The following RAB39A variants were observed in gnomAD, a reference collection of about 807,000 sequenced individuals.
The protein encoded by RAB39A is ras-related protein Rab-39A.
In RAB39A, 17 loss-of-function variants were observed where a neutral mutation model predicts 20.9. The observed-to-expected ratio is 0.81, with a 90% CI of 0.56 to 1.22. RAB39A has a LOEUF of 1.22. Ranked by LOEUF, RAB39A falls within the 50% of genes most tolerant of loss-of-function variation. RAB39A has a pLI of 0.00. For missense variants in RAB39A, 234 were observed against 270.5 expected (o/e 0.87, Z 0.95); for synonymous variants, 99 against 103.4 (o/e 0.96, Z 0.26).
intron 1 of RAB39A, among the ~76,000 whole-genome samples, chr11:107,936,767 C>CA (rs1470339970): frequency 1.3e-5 from 2 of 151,976 alleles, no homozygotes; most frequent in South Asian, 2.1e-4. Flanking sequence ...ACTAAAAATA[C>CA]AAAAACAAAT....
chr11:107,942,719 GT>G (rs200770087), intron 1 of RAB39A, among the ~76,000 whole-genome samples: 5,581 of 152,218 alleles, frequency 0.037, 120 homozygotes, highest in Middle Eastern at 0.13. Context: ...TTCTCTGAAC[GT>G]TTTCAGTGCT....
rs1204346633 is a variant in RAB39A at position 107,928,563 on chromosome 11, T to A, written c.-6T>A. The stretch of plus-strand genomic sequence containing the variant: ...GCGGCCCGGGAGCCAGCGGGGCACG[T>A]GAGCGATGGAGACCATCTGGATCTA... On this transcript the variant is annotated 5_prime_UTR_variant, in exon 1 of 2. Coordinates refer to ENST00000320578, the MANE Select transcript of RAB39A (RefSeq NM_017516.3). This position sits in a 1 kb window ranked among gnomAD's most constrained non-coding sequence, Gnocchi z 4.9. The A allele has an allele frequency of 6.8e-7, 1 of 1,465,412 alleles. No homozygotes were observed. The highest frequency in any genetic ancestry group is 1.4e-5 in the African/African-American group (1 of 71,208). The allele number at this position is 1,465,412 out of a possible 1,614,324, so 90.8% of individuals were successfully genotyped here. A position where few individuals can be genotyped will look rare whatever the true frequency, so the allele number is the denominator to read the frequency against.
At chr11:107,948,814 T>C (rs928423245) in intron 1 of RAB39A, among the ~76,000 whole-genome samples, 1 of 152,154 alleles carries the variant, frequency 6.6e-6, no homozygotes, top group Admixed American at 6.5e-5. Context: ...AACTTGTCAA[T>C]ATTGTTCACC....
At position 107,962,388 on chromosome 11, in the gene RAB39A, AG is replaced by A; in HGVS notation, c.*17del. 1 of 1,580,872 alleles carries A rather than the reference AG, an allele frequency of 6.3e-7. No homozygotes were observed. The highest frequency in any genetic ancestry group is 8.6e-7 in the Non-Finnish European group (1 of 1,159,996). Reference sequence around the variant, plus strand: ...CTTCTGCTGACTTCAAACATGCTGAAGAACTAACAGGAACAGATTGGGTGTC... The same window carrying A: ...CTTCTGCTGACTTCAAACATGCTGAAAACTAACAGGAACAGATTGGGTGTC... On this transcript the variant is annotated 3_prime_UTR_variant, in exon 2 of 2. Transcript: ENST00000320578.
chr11:107,946,308 C>CTATATATATATATATATATATATATATA (rs369739015), intron 1 of RAB39A, among the ~76,000 whole-genome samples: 1 of 94,260 alleles, frequency 1.1e-5, no homozygotes, highest in African/African-American at 3.8e-5. Flanking sequence ...GAACAGGATA[C>CTATATATATATATATATATATATATATA]TATATATATA....
intron 1 of RAB39A, among the ~76,000 whole-genome samples, chr11:107,933,553 T>C (rs1470316738): frequency 6.6e-6 from 1 of 151,566 alleles, no homozygotes; most frequent in Non-Finnish European, 1.5e-5. Flanking sequence ...CCAATTTTTG[T>C]ATTTTTAGTA....
intron 1 of RAB39A, among the ~76,000 whole-genome samples, chr11:107,952,183 A>G (rs1861387625): frequency 6.6e-6 from 1 of 152,228 alleles, no homozygotes; most frequent in South Asian, 2.1e-4. Context: ...GTGGATGAAT[A>G]AAGTATGGCA....
chr11:107,934,992 G>C (rs542486796), intron 1 of RAB39A, among the ~76,000 whole-genome samples: 2 of 151,446 alleles, frequency 1.3e-5, no homozygotes, highest in South Asian at 4.2e-4. Context: ...ACAGAATCTG[G>C]GAGCAGCCCC....
At position 107,928,783 on chromosome 11, in the gene RAB39A, A is replaced by T. The variant is rs770630201; in HGVS notation, c.215A>T (p.Gln72Leu). 6.3e-7 allele frequency: 1 copy of T among 1,582,372 alleles called. No individual in the cohort carries two copies. The highest frequency in any genetic ancestry group is 8.6e-7 in the Non-Finnish European group (1 of 1,162,090). Residue 72 changes from glutamine (Q) to leucine (L), a missense_variant, in exon 1 of 2, where the codon CAG becomes CTG. Gln to Leu is a moderately radical substitution (Grantham distance 113, BLOSUM62 -2). Transcript: ENST00000320578. This position sits in a 1 kb window ranked among gnomAD's most constrained non-coding sequence, Gnocchi z 4.9. ...IKLQLWDTAG[Q>L]ERFRSITRSY... ...CTACAGCTCTGGGACACGGCGGGAC[A>T]GGAGCGGTTCAGGTAGGGACCCCGG...
chr11:107,944,523 A>T (rs1861290369), intron 1 of RAB39A, among the ~76,000 whole-genome samples: 1 of 152,098 alleles, frequency 6.6e-6, no homozygotes. Flanking sequence ...AGTAGCTGGG[A>T]TTACAGGTGC....
chr11:107,947,541 T>C (rs947441507), intron 1 of RAB39A, among the ~76,000 whole-genome samples: 4 of 152,158 alleles, frequency 2.6e-5, no homozygotes, highest in East Asian at 1.9e-4. Flanking sequence ...GAAAGTTTTC[T>C]AAAATTTAGG....
intron 1 of RAB39A, among the ~76,000 whole-genome samples, chr11:107,929,628 A>G (rs1252938685): frequency 2.0e-5 from 3 of 152,136 alleles, no homozygotes; most frequent in African/African-American, 7.2e-5. Flanking sequence ...CAGGGTGATA[A>G]TATTTCTAAA....
chr11:107,944,896 C>A (rs1475193217), intron 1 of RAB39A, among the ~76,000 whole-genome samples: 1 of 151,862 alleles, frequency 6.6e-6, no homozygotes, highest in African/African-American at 2.4e-5. Flanking sequence ...GAAAAAGAAG[C>A]CAGCCAGGCC....
intron 1 of RAB39A, among the ~76,000 whole-genome samples, chr11:107,960,036 C>A (rs1358925593): frequency 6.6e-6 from 1 of 152,048 alleles, no homozygotes; most frequent in Non-Finnish European, 1.5e-5. Context: ...ATGGTGAAAC[C>A]CTGTCTCCAC....
Position 107,962,475 on chromosome 11 carries a change from T to A in RAB39A, c.*103T>A. On this transcript the variant is annotated 3_prime_UTR_variant, in exon 2 of 2. Transcript: ENST00000320578. ...ATGCAATGAAAGAATTTAAAAAGGT[T>A]ACAAACCCACACCAATACTATTTTA... The A allele has an allele frequency of 9.0e-7, 1 of 1,116,844 alleles. No homozygotes were observed. Among genetic ancestry groups the A allele is most frequent in the East Asian group, 2.5e-5 (1 of 40,382 alleles). The allele number at this position is 1,116,844 out of a possible 1,614,324, so 69.2% of individuals were successfully genotyped here.
At chr11:107,930,814 C>T (rs1861127940) in intron 1 of RAB39A, among the ~76,000 whole-genome samples, 1 of 151,652 alleles carries the variant, frequency 6.6e-6, no homozygotes, top group Non-Finnish European at 1.5e-5. Flanking sequence ...CAAGATCACG[C>T]CACTGCACTC....
At position 107,928,561 on chromosome 11, in the gene RAB39A, C is replaced by A. The variant is rs976918959; in HGVS notation, c.-8C>A. 2.7e-6 allele frequency: 4 copies of A among 1,464,354 alleles called. No individual in the cohort carries two copies. Among genetic ancestry groups the A allele is most frequent in the Non-Finnish European group, 3.7e-6 (4 of 1,088,928 alleles). 90.7% of individuals were successfully genotyped at this position (1,464,354 alleles called of 1,614,324 possible). ...GGGCGGCCCGGGAGCCAGCGGGGCA[C>A]GTGAGCGATGGAGACCATCTGGATC... On this transcript the variant is annotated 5_prime_UTR_variant, in exon 1 of 2. Coordinates refer to ENST00000320578, the MANE Select transcript of RAB39A (RefSeq NM_017516.3). The surrounding 1 kb of genome is among the most constrained non-coding windows in gnomAD (Gnocchi z 4.9).
chr11:107,946,709 C>T (rs376517978), intron 1 of RAB39A, among the ~76,000 whole-genome samples: 4 of 151,136 alleles, frequency 2.6e-5, no homozygotes, highest in Admixed American at 6.6e-5. Context: ...CTCCTGACCT[C>T]ATGATCCGCC....
chr11:107,954,987 C>CTTTTT (rs60838211), intron 1 of RAB39A, among the ~76,000 whole-genome samples: 1 of 54,860 alleles, frequency 1.8e-5, no homozygotes, highest in African/African-American at 7.4e-5. Context: ...AGAAAGCATG[C>CTTTTT]TTTTTTTTTT....
Sources: gnomAD v4.1 joint callset for allele counts (sites outside exome capture counted in the v4.1 genomes callset) on GRCh38, gnomAD v4.1.1 for gene constraint, Gnocchi (gnomAD v3.1) non-coding constraint, MANE v1.5 for transcripts, NCBI Gene and HGNC (gene_info 2026-07-23, HGNC 2026-07-21) for gene names.